The following PRELP variants were observed in gnomAD, a reference collection of about 807,000 sequenced individuals.
PRELP encodes proline and arginine rich end leucine rich repeat protein, also known as prolargin.
PRELP carries 16 observed loss-of-function variants against 22.8 expected under a neutral mutation model. That is an observed-to-expected ratio of 0.70 (90% CI 0.47 to 1.06). PRELP has a LOEUF of 1.06. Ranked by LOEUF, PRELP falls within the 50% of genes least tolerant of loss-of-function variation. The probability of loss-of-function intolerance (pLI) is 0.00; values close to 1 mark genes in which losing one functional copy is unlikely to be tolerated. For missense variants in PRELP, 434 were observed against 485.2 expected, an observed-to-expected ratio of 0.89 and a Z score of 0.99; for synonymous variants, 233 against 211.4, an observed-to-expected ratio of 1.10 and a Z score of -0.89.
At chr1:203,482,315 G>T (rs1303400446) in intron 1 of PRELP, among the ~76,000 whole-genome samples, 2 of 148,952 alleles carry the variant, frequency 1.3e-5, no homozygotes, top group African/African-American at 5.0e-5. Flanking sequence ...TTTTGCTCTT[G>T]TTGCCCAGGC....
Position 203,483,673 on chromosome 1 carries a change from A to G in PRELP, c.489A>G (p.Glu163=), listed in dbSNP as rs778619762. The stretch of plus-strand genomic sequence containing the variant: ...TCTACATGGAGAAGAACCAGTTGGA[A>G]GAGGTCCCCTCGGCCCTGCCCCGGA... The part of the protein sequence containing the change: ...VFLYMEKNQL[E]EVPSALPRNL... Residue 163 remains glutamate (E), a synonymous_variant, in exon 2 of 3, where the codon GAA becomes GAG. Transcript: ENST00000343110. This position sits in a 1 kb window ranked among gnomAD's most constrained non-coding sequence, Gnocchi z 4.4. 6.2e-7 allele frequency: 1 copy of G among 1,614,224 alleles called. No individual in the cohort carries two copies. The highest frequency in any genetic ancestry group is 8.5e-7 in the Non-Finnish European group (1 of 1,180,036).
rs534687765 is a variant in PRELP at position 203,490,527 on chromosome 1, A to T, written c.*3646A>T. On this transcript the variant is annotated 3_prime_UTR_variant, in exon 3 of 3. Transcript: ENST00000343110. ...AACGGTCGTCTTTCCTGCCCAAGTA[A>T]AGCTTACAGACTAACTGGGGAGATG... is the stretch of plus-strand genomic sequence containing the variant. 6.6e-6 allele frequency: 1 copy of T among 152,342 alleles called. No homozygotes were observed. The allele number at this position is 152,342 out of a possible 1,614,324, so 9.4% of individuals were successfully genotyped here.
intron 1 of PRELP, among the ~76,000 whole-genome samples, chr1:203,479,979 C>A (rs553378009): frequency 6.6e-6 from 1 of 152,060 alleles, no homozygotes; most frequent in African/African-American, 2.4e-5. Flanking sequence ...GTGGCTCACA[C>A]CTGTAATCTC....
At chr1:203,480,478 C>A (rs1302540519) in intron 1 of PRELP, among the ~76,000 whole-genome samples, 1 of 152,230 alleles carries the variant, frequency 6.6e-6, no homozygotes, top group Non-Finnish European at 1.5e-5. Flanking sequence ...TACCCTCAGT[C>A]TGTCACACAG....
In PRELP at chr1:203,478,325, G is replaced by A. The variant is rs145036481; in HGVS notation, c.-17+2387G>A. ...AAGGCTTGGAGATGCTGGGGGAATG[G>A]GGCAGAGGATATGGTAGGTGGCGGG... On this transcript the variant is annotated intron_variant, in intron 1 of 2. Coordinates refer to ENST00000343110, the MANE Select transcript of PRELP (RefSeq NM_002725.4). Among the ~76,000 whole-genome samples the A allele has an allele frequency of 1.8e-3, 275 of 152,212 alleles. 5 individuals are homozygous for A. The South Asian group carries it at 0.031, about 17-fold the overall frequency.
intron 1 of PRELP, among the ~76,000 whole-genome samples, chr1:203,478,985 C>T (rs1231985850): frequency 6.6e-6 from 1 of 152,118 alleles, no homozygotes; most frequent in Non-Finnish European, 1.5e-5. Flanking sequence ...GGCTTTCAGA[C>T]ACCTAGGTTG....
Position 203,484,042 on chromosome 1 carries a change from C to G in PRELP, c.858C>G (p.Asn286Lys). Reference protein sequence around the residue: ...NKLTDRGLPKNSFNISNLLVL... With the variant: ...NKLTDRGLPKKSFNISNLLVL... ...TGACAGACAGGGGACTCCCCAAGAACTCCTTTAATATCTCCAACCTGCTTG... is the reference window on the plus strand; with the variant it reads ...TGACAGACAGGGGACTCCCCAAGAAGTCCTTTAATATCTCCAACCTGCTTG... Residue 286 changes from asparagine (N) to lysine (K), a missense_variant, in exon 2 of 3, where the codon AAC becomes AAG. Coordinates refer to ENST00000343110, the MANE Select transcript of PRELP (RefSeq NM_002725.4). 6.2e-7 allele frequency: 1 copy of G among 1,614,220 alleles called. No individual in the cohort carries two copies. Among genetic ancestry groups the G allele is most frequent in the South Asian group, 1.1e-5 (1 of 91,088 alleles).
At position 203,489,435 on chromosome 1, in the gene PRELP, T is replaced by C. The variant is rs1002327409; in HGVS notation, c.*2554T>C. On this transcript the variant is annotated 3_prime_UTR_variant, in exon 3 of 3. Transcript: ENST00000343110. ...TTCAAGTTTAAAAAAAGCCCCCTTC[T>C]CCATGCACAAGTTCATTCCCTCCAT... 1.3e-5 allele frequency: 2 copies of C among 152,208 alleles called. No individual in the cohort carries two copies. The highest frequency in any genetic ancestry group is 2.9e-5 in the Non-Finnish European group (2 of 68,042). 9.4% of individuals were successfully genotyped at this position (152,208 alleles called of 1,614,324 possible).
Position 203,483,095 on chromosome 1 carries a change from C to A in PRELP, c.-16-74C>A, listed in dbSNP as rs751901263. The A allele has an allele frequency of 3.1e-6, 4 of 1,271,572 alleles. No individual in the cohort carries two copies. Among genetic ancestry groups the A allele is most frequent in the Non-Finnish European group, 4.4e-6 (4 of 914,188 alleles). The allele number at this position is 1,271,572 out of a possible 1,614,324, so 78.8% of individuals were successfully genotyped here. A position where few individuals can be genotyped will look rare whatever the true frequency, so the allele number is the denominator to read the frequency against. On this transcript the variant is annotated intron_variant, in intron 1 of 2. Coordinates refer to ENST00000343110, the MANE Select transcript of PRELP (RefSeq NM_002725.4). The surrounding 1 kb of genome is among the most constrained non-coding windows in gnomAD (Gnocchi z 4.4). ...TCCCTAGAGCTCTAGTTCTGCCCAA[C>A]TCTGGCTTCAAAAACATGACAACTA...
rs554757748 is a variant in PRELP at position 203,480,032 on chromosome 1, G to A, written c.-16-3137G>A. On this transcript the variant is annotated intron_variant, in intron 1 of 2. Coordinates refer to ENST00000343110, the MANE Select transcript of PRELP (RefSeq NM_002725.4). Reference sequence around the variant, plus strand: ...AGGTGGGAGGATTGCTTGAGCTTAGGAGTTCAAGACCAGCCTGAGCAATAC... The same window carrying A: ...AGGTGGGAGGATTGCTTGAGCTTAGAAGTTCAAGACCAGCCTGAGCAATAC... 1.2e-4 allele frequency among the ~76,000 whole-genome samples: 18 copies of A among 152,206 alleles called. No homozygotes were observed. In the East Asian group the frequency reaches 1.7e-3, roughly 15 times the overall value.
chr1:203,476,626 G>A (rs1325929379), intron 1 of PRELP, among the ~76,000 whole-genome samples: 9 of 152,156 alleles, frequency 5.9e-5, no homozygotes, highest in African/African-American at 1.4e-4. Flanking sequence ...AAGCAAGAGC[G>A]GGAGCTGGAA....
chr1:203,482,422 G>T (rs549394005), intron 1 of PRELP, among the ~76,000 whole-genome samples: 48 of 150,844 alleles, frequency 3.2e-4, no homozygotes, highest in African/African-American at 1.1e-3. Context: ...GAGATTACAG[G>T]TGTCCAACAC....
rs752712475 is a variant in PRELP at position 203,484,185 on chromosome 1, G to A, written c.973+28G>A. The A allele has an allele frequency of 1.2e-5, 19 of 1,594,128 alleles. No individual in the cohort carries two copies. The Admixed American group carries it at 1.5e-4, about 13-fold the overall frequency. On this transcript the variant is annotated intron_variant, in intron 2 of 2. Transcript: ENST00000343110. The stretch of plus-strand genomic sequence containing the variant: ...GAGTGGGGTGGGCCGGGGCGGGGCC[G>A]AAGGCAAGGAGGTTGGCTTGTGTAG...
intron 1 of PRELP, among the ~76,000 whole-genome samples, chr1:203,478,337 T>C (rs1293205132): frequency 1.3e-5 from 2 of 152,088 alleles, no homozygotes; most frequent in Non-Finnish European, 2.9e-5. Flanking sequence ...GCAGAGGATA[T>C]GGTAGGTGGC....
intron 2 of PRELP, among the ~76,000 whole-genome samples, chr1:203,485,917 C>T (rs1457549740): frequency 6.6e-6 from 1 of 152,146 alleles, no homozygotes; most frequent in Admixed American, 6.5e-5. Flanking sequence ...CATCATGTCC[C>T]GGGGGTTCCG....
intron 1 of PRELP, among the ~76,000 whole-genome samples, chr1:203,477,204 C>T (rs556744863): frequency 4.1e-4 from 63 of 152,220 alleles, no homozygotes; most frequent in African/African-American, 1.5e-3. Flanking sequence ...ACCCAGGAAT[C>T]TTGTTTTAAT....
intron 1 of PRELP, among the ~76,000 whole-genome samples, chr1:203,482,006 G>A (rs1661008174): frequency 6.6e-6 from 1 of 152,208 alleles, no homozygotes; most frequent in Admixed American, 6.5e-5. Context: ...GGGATGGGTT[G>A]AGGGTACCCC....
At position 203,486,771 on chromosome 1, in the gene PRELP, G is replaced by C; in HGVS notation, c.1039G>C (p.Glu347Gln). 1 of 1,614,140 alleles carries C rather than the reference G, an allele frequency of 6.2e-7. No homozygotes were observed. The highest frequency in any genetic ancestry group is 8.5e-7 in the Non-Finnish European group (1 of 1,179,990). ...GTTCCATGACTTCTCCTCGGACCTG[G>C]AGAACGTGCCACACCTGCGCTACCT... ...VAFHDFSSDL[E>Q]NVPHLRYLRL... is the part of the protein sequence containing the mutation. Residue 347 changes from glutamate (E) to glutamine (Q), a missense_variant, in exon 3 of 3, where the codon GAG becomes CAG. Physicochemically the swap from Glu to Gln is conservative, Grantham distance 29. Coordinates refer to ENST00000343110, the MANE Select transcript of PRELP (RefSeq NM_002725.4).
At position 203,483,711 on chromosome 1, in the gene PRELP, T is replaced by C. The variant is rs1034072549; in HGVS notation, c.527T>C (p.Leu176Pro). Reference sequence around the variant, plus strand: ...GCCCTGCCCCGGAACCTGGAGCAGCTGAGGCTGAGCCAGAACCACATCTCC... The same window carrying C: ...GCCCTGCCCCGGAACCTGGAGCAGCCGAGGCTGAGCCAGAACCACATCTCC... ...PSALPRNLEQ[L>P]RLSQNHISRI... Residue 176 changes from leucine to proline, a missense_variant, in exon 2 of 3, where the codon CTG becomes CCG. By Grantham distance (98) the Leu-to-Pro change is moderately conservative (BLOSUM62 -3). Transcript: ENST00000343110. This position sits in a 1 kb window ranked among gnomAD's most constrained non-coding sequence, Gnocchi z 4.4. 5.6e-6 allele frequency: 9 copies of C among 1,614,216 alleles called. No individual in the cohort carries two copies. The highest frequency in any genetic ancestry group is 7.6e-6 in the Non-Finnish European group (9 of 1,180,044).
Sources: allele counts gnomAD v4.1 joint callset (sites outside exome capture counted in the v4.1 genomes callset), GRCh38; gene constraint gnomAD v4.1.1; non-coding constraint Gnocchi (gnomAD v3.1); transcripts MANE v1.5; gene names NCBI Gene and HGNC (gene_info 2026-07-23, HGNC 2026-07-21).